TCF4: variants seen among roughly 807,000 people sequenced by gnomAD.
TCF4 encodes transcription factor 4.
In TCF4, 3 loss-of-function variants were observed where a neutral mutation model predicts 82.1. That is an observed-to-expected ratio of 0.04 (90% confidence interval 0.02 to 0.09). The LOEUF is 0.09. TCF4 is among the 10% of genes least tolerant of loss of function. The pLI is 1.00. For synonymous variants in TCF4, 276 were observed against 309.6 expected (o/e 0.89, Z 1.14); for missense variants, 518 against 852.7 (o/e 0.61, Z 4.89).
At chr18:55,236,410 A>G (rs2049408435) in intron 15 of TCF4, among the ~76,000 whole-genome samples, 4 of 150,646 alleles carry the variant, frequency 2.7e-5, no homozygotes, top group African/African-American at 9.8e-5. Flanking sequence ...TCACTCACTG[A>G]TTCTAGTTTC....
chr18:55,268,540 C>T (rs1208113290), intron 11 of TCF4: 1 of 152,116 alleles, frequency 6.6e-6, no homozygotes, highest in Non-Finnish European at 1.5e-5. Flanking sequence ...TGGAAACTCT[C>T]TCCTCAATTT....
At chr18:55,626,549 A>T (rs1427547059) in intron 2 of TCF4, among the ~76,000 whole-genome samples, 1 of 152,218 alleles carries the variant, frequency 6.6e-6, no homozygotes, top group African/African-American at 2.4e-5. Context: ...ATAAAAATTC[A>T]AACGTGTATG....
intron 15 of TCF4, among the ~76,000 whole-genome samples, chr18:55,246,214 G>C (rs1393432571): frequency 6.7e-6 from 1 of 149,384 alleles, no homozygotes; most frequent in Non-Finnish European, 1.5e-5. Flanking sequence ...TGAGGTTATA[G>C]GGTCTATTTT....
At chr18:55,315,297 C>G (rs1287574979) in intron 8 of TCF4, among the ~76,000 whole-genome samples, 1 of 152,104 alleles carries the variant, frequency 6.6e-6, no homozygotes, top group African/African-American at 2.4e-5. Flanking sequence ...GGCGTAGTGT[C>G]TCTTTTAAAT....
intron 6 of TCF4, among the ~76,000 whole-genome samples, chr18:55,366,769 T>C (rs2087264789): frequency 6.6e-6 from 1 of 152,216 alleles, no homozygotes; most frequent in East Asian, 1.9e-4. Context: ...AGCATTTTAC[T>C]TTATTGTTTG....
At chr18:55,568,278 A>C (rs2097427882) in intron 3 of TCF4, among the ~76,000 whole-genome samples, 1 of 151,890 alleles carries the variant, frequency 6.6e-6, no homozygotes, top group African/African-American at 2.4e-5. Context: ...CAAAGCCAAA[A>C]GTTGGTTTGA....
At chr18:55,491,419 A>G (rs72930769) in intron 3 of TCF4, among the ~76,000 whole-genome samples, 6,667 of 152,292 alleles carry the variant, frequency 0.044, 157 homozygotes, top group Non-Finnish European at 0.052. Flanking sequence ...AAGGGCATTT[A>G]TGTTCACAAA....
intron 3 of TCF4, among the ~76,000 whole-genome samples, chr18:55,498,125 C>G (rs1457798339): frequency 2.6e-5 from 4 of 152,224 alleles, no homozygotes; most frequent in African/African-American, 9.6e-5. Context: ...TCTTTATCAA[C>G]CACATTAAAT....
At chr18:55,510,619 C>T (rs968698713) in intron 3 of TCF4, 7 of 1,516,372 alleles carry the variant, frequency 4.6e-6, no homozygotes, top group Non-Finnish European at 6.2e-6. Context: ...GTAATAAATT[C>T]CCCCAATATA....
chr18:55,330,026 G>T (rs2077235715), intron 8 of TCF4, among the ~76,000 whole-genome samples: 1 of 151,984 alleles, frequency 6.6e-6, no homozygotes, highest in Non-Finnish European at 1.5e-5. Context: ...TTCTTTATGG[G>T]GTCTGGACCT....
chr18:55,249,821 A>G (rs1285022289), intron 15 of TCF4, among the ~76,000 whole-genome samples: 1 of 152,218 alleles, frequency 6.6e-6, no homozygotes, highest in East Asian at 1.9e-4. Flanking sequence ...GGGAACACAT[A>G]GAGTCACATA....
chr18:55,457,391 T>A (rs949501534), intron 5 of TCF4, among the ~76,000 whole-genome samples: 1 of 152,250 alleles, frequency 6.6e-6, no homozygotes, highest in African/African-American at 2.4e-5. Flanking sequence ...TAACCACACA[T>A]GGGTGTTTTA....
intron 3 of TCF4, among the ~76,000 whole-genome samples, chr18:55,570,043 C>T (rs143841078): frequency 1.3e-5 from 2 of 151,874 alleles, no homozygotes; most frequent in Admixed American, 1.3e-4. Flanking sequence ...AATGTGATAC[C>T]GAGGCAAGGT....
At chr18:55,549,426 T>C (rs917596812) in intron 3 of TCF4, among the ~76,000 whole-genome samples, 10 of 152,238 alleles carry the variant, frequency 6.6e-5, no homozygotes, top group African/African-American at 2.4e-4. Flanking sequence ...TAATAACACT[T>C]AGCTGAAAAC....
intron 5 of TCF4, among the ~76,000 whole-genome samples, chr18:55,432,430 T>TA (rs76686893): frequency 0.33 from 50,307 of 152,038 alleles, 8,518 homozygotes; most frequent in East Asian, 0.49. Context: ...ACTGAAGACT[T>TA]ACTGTGCTTC....
chr18:55,615,855 G>C (rs1484695480), intron 2 of TCF4, among the ~76,000 whole-genome samples: 1 of 151,988 alleles, frequency 6.6e-6, no homozygotes, highest in Non-Finnish European at 1.5e-5. Context: ...AATTCCACTG[G>C]ATCATGATAT....
At chr18:55,299,862 T>G (rs1435163884) in intron 8 of TCF4, among the ~76,000 whole-genome samples, 1 of 152,098 alleles carries the variant, frequency 6.6e-6, no homozygotes, top group Admixed American at 6.5e-5. Context: ...ATCACAAATT[T>G]AGTAAGAGAG....
At chr18:55,317,624 G>A (rs1482190105) in intron 8 of TCF4, among the ~76,000 whole-genome samples, 4 of 151,992 alleles carry the variant, frequency 2.6e-5, no homozygotes, top group Non-Finnish European at 5.9e-5. Flanking sequence ...AGCACTTCCT[G>A]TGATAAATGA....
chr18:55,237,756 C>T (rs1047306559), intron 15 of TCF4, among the ~76,000 whole-genome samples: 2 of 152,182 alleles, frequency 1.3e-5, no homozygotes, highest in African/African-American at 4.8e-5. Context: ...ACTCCATTGC[C>T]TGTGGCTGTG....
Sources: gnomAD v4.1 joint callset for allele counts (sites outside exome capture counted in the v4.1 genomes callset) on GRCh38, gnomAD v4.1.1 for gene constraint, MANE v1.5 for transcripts, NCBI Gene and HGNC (gene_info 2026-07-23, HGNC 2026-07-21) for gene names.